CAP1: variants seen among roughly 807,000 people sequenced by gnomAD.
CAP1 encodes the protein adenylyl cyclase-associated protein 1.
In CAP1, 11 loss-of-function variants were observed where a neutral mutation model predicts 58.2. That is an observed-to-expected ratio of 0.19 (90% CI 0.12 to 0.31). The LOEUF (loss-of-function observed/expected upper bound fraction) is 0.31, where lower values mean the gene tolerates loss of function less well. Ranked by LOEUF, CAP1 falls within the 10% of genes least tolerant of loss-of-function variation. The pLI is 1.00. For synonymous variants in CAP1, 183 were observed against 213.8 expected (o/e 0.86, Z 1.26); for missense variants, 423 against 587.5 (o/e 0.72, Z 2.89).
At chr1:40,069,420 T>C (rs192855741) in intron 8 of CAP1, 22 of 280,328 alleles carry the variant, frequency 7.8e-5, no homozygotes, top group East Asian at 7.7e-4. Flanking sequence ...ACATTTGATA[T>C]GTCTTTCTAG....
intron 1 of CAP1, among the ~76,000 whole-genome samples, chr1:40,048,050 C>CTT (rs869236451): frequency 4.1e-5 from 6 of 144,910 alleles, no homozygotes; most frequent in South Asian, 2.2e-4. Flanking sequence ...TAGATGGCAT[C>CTT]TTTTTTTTTT....
rs1648060996 is a variant in CAP1, at chr1:40,071,664, C to G, written c.*131C>G. 1 of 623,170 alleles carries G rather than the reference C, an allele frequency of 1.6e-6. No individual in the cohort carries two copies. Among genetic ancestry groups the G allele is most frequent in the South Asian group, 2.0e-5 (1 of 49,686 alleles). The allele number at this position is 623,170 out of a possible 1,614,324, so 38.6% of individuals were successfully genotyped here. A position where few individuals can be genotyped will look rare whatever the true frequency, so the allele number is the denominator to read the frequency against. On this transcript the variant is annotated 3_prime_UTR_variant, in exon 13 of 13. Coordinates refer to ENST00000372805, the MANE Select transcript of CAP1 (RefSeq NM_006367.4). ...TTCTCTGCTCTGAGAAGCACAGCTA[C>G]CTGCCTTCACTGAAATATACCTCAG...
chr1:40,047,329 G>C (rs753313012), intron 1 of CAP1, among the ~76,000 whole-genome samples: 1 of 152,234 alleles, frequency 6.6e-6, no homozygotes. Flanking sequence ...ATATGCCTCA[G>C]CTACAGTGCT....
At chr1:40,050,512 C>T (rs1380837378) in intron 1 of CAP1, among the ~76,000 whole-genome samples, 26 of 125,458 alleles carry the variant, frequency 2.1e-4, no homozygotes, top group Non-Finnish European at 6.8e-5. Flanking sequence ...TACAAAAATT[C>T]GCCGGGCGTG....
chr1:40,061,417 T>C (rs1352557651), intron 3 of CAP1, among the ~76,000 whole-genome samples: 1 of 152,250 alleles, frequency 6.6e-6, no homozygotes, highest in Admixed American at 6.5e-5. Context: ...TTTATTTTGC[T>C]GATGTGAAAT....
At position 40,061,751 on chromosome 1, in the gene CAP1, C is replaced by T. The variant is rs766562094; in HGVS notation, c.233C>T (p.Thr78Ile). 6.2e-6 allele frequency: 10 copies of T among 1,613,864 alleles called. No individual in the cohort carries two copies. Among genetic ancestry groups the T allele is most frequent in the East Asian group, 4.5e-5 (2 of 44,892 alleles). ...TTCTGGCAGGCGGAGATGGTCCACA[C>T]AGGTTTGAAGTTGGAGCGAGCTCTG... ...DVQKHAEMVH[T>I]GLKLERALLV... The change falls in exon 4 of 13, where the codon ACA (threonine) becomes ATA (isoleucine). Residue 78 changes from threonine (T) to isoleucine (I), a missense_variant. Coordinates refer to ENST00000372805, the MANE Select transcript of CAP1 (RefSeq NM_006367.4).
chr1:40,070,094 T>G, intron 9 of CAP1, 65 bp from the exon 10 acceptor site: 1 of 1,605,418 alleles, frequency 6.2e-7, no homozygotes, highest in Non-Finnish European at 8.5e-7. Flanking sequence ...AAGTTTGGGA[T>G]AGCCTGGTTA....
At chr1:40,070,127 G>A (rs778804636) in intron 9 of CAP1, 32 bp from the exon 10 acceptor site, 1 of 1,613,110 alleles carries the variant, frequency 6.2e-7, no homozygotes, top group South Asian at 1.1e-5. Context: ...TGTGTGCTTT[G>A]TGATGAGAAT....
intron 8 of CAP1, 31 bp downstream of exon 8, chr1:40,067,748 TACAACAAGTTG>T: frequency 1.9e-6 from 3 of 1,540,454 alleles, no homozygotes; most frequent in Non-Finnish European, 2.7e-6. Context: ...GAACAGTAGG[TACAACAAGTTG>T]TGTGGGCCAG....
chr1:40,047,066 C>G (rs1010998610), intron 1 of CAP1, among the ~76,000 whole-genome samples: 1 of 152,246 alleles, frequency 6.6e-6, no homozygotes, highest in East Asian at 1.9e-4. Context: ...CCATCGCGCC[C>G]GGCCACATTT....
intron 1 of CAP1, among the ~76,000 whole-genome samples, chr1:40,051,545 C>G (rs1260128491): frequency 6.6e-6 from 1 of 152,096 alleles, no homozygotes; most frequent in Non-Finnish European, 1.5e-5. Flanking sequence ...AGAGCCAGAC[C>G]CTGTTTTTTG....
At chr1:40,054,099 A>G (rs960468226) in intron 1 of CAP1, among the ~76,000 whole-genome samples, 4 of 150,750 alleles carry the variant, frequency 2.7e-5, no homozygotes, top group African/African-American at 7.3e-5. Context: ...CATGGATTCG[A>G]TAGAGAAGAT....
At chr1:40,065,662 C>G (rs1482801304) in intron 6 of CAP1, among the ~76,000 whole-genome samples, 2 of 152,178 alleles carry the variant, frequency 1.3e-5, no homozygotes, top group African/African-American at 2.4e-5. Context: ...ACCGTAGGCA[C>G]AATGCTATTT....
At chr1:40,064,131 T>G in intron 4 of CAP1, 96 bp from the exon 5 acceptor site, 3 of 1,190,132 alleles carry the variant, frequency 2.5e-6, no homozygotes, top group Non-Finnish European at 3.7e-6. Context: ...GGGTGCTCAC[T>G]AGAGTCCATA....
In CAP1 at chr1:40,049,178, ATTT is replaced by A. The variant is rs72214452; in HGVS notation, c.-11+8401_-11+8403del. On this transcript the variant is annotated intron_variant, in intron 1 of 12. Coordinates refer to ENST00000372805, the MANE Select transcript of CAP1 (RefSeq NM_006367.4). Reference sequence around the variant, plus strand: ...TGGCAGGAATCACTAGCCATTTCTAATTTTTTTTTTTTTTTTTTTTTTTTTTGA... The same window carrying A: ...TGGCAGGAATCACTAGCCATTTCTAATTTTTTTTTTTTTTTTTTTTTTTGA... Among the ~76,000 whole-genome samples, 278 of 84,854 alleles carry A rather than the reference ATTT, an allele frequency of 3.3e-3. 1 individual carries two copies. The highest frequency in any genetic ancestry group is 0.025 in the Middle Eastern group (3 of 118). The allele number at this position is 84,854 out of a possible 152,430, so 55.7% of individuals were successfully genotyped here. A position where few individuals can be genotyped will look rare whatever the true frequency, so the allele number is the denominator to read the frequency against.
In CAP1 at chr1:40,070,200, A is replaced by G; in HGVS notation, c.1035A>G (p.Thr345=). 3 of 1,614,236 alleles carry G rather than the reference A, an allele frequency of 1.9e-6. No individual in the cohort carries two copies. The highest frequency in any genetic ancestry group is 2.5e-6 in the Non-Finnish European group (3 of 1,180,038). Residue 345 remains threonine (T), a synonymous_variant, in exon 10 of 13, where the codon ACA becomes ACG. Coordinates refer to ENST00000372805, the MANE Select transcript of CAP1 (RefSeq NM_006367.4). ...ENVSNLVIED[T]ELKQVAYIYK... is the part of the protein sequence containing the mutation. ...TTTCCAACCTGGTGATTGAGGACAC[A>G]GAGCTGAAACAGGTGGCTTACATAT...
chr1:40,061,017 G>C (rs1027333429), intron 3 of CAP1, among the ~76,000 whole-genome samples: 4 of 152,066 alleles, frequency 2.6e-5, no homozygotes, highest in African/African-American at 9.7e-5. Context: ...TGCTTTCTTT[G>C]AATTTTTGTA....
intron 1 of CAP1, among the ~76,000 whole-genome samples, chr1:40,043,122 A>G (rs1470074636): frequency 1.3e-5 from 2 of 152,180 alleles, no homozygotes; most frequent in African/African-American, 2.4e-5. Flanking sequence ...TTGTTCAGTG[A>G]TACTGGGGCC....
In CAP1 at chr1:40,065,608, T is replaced by G. The variant is rs112909076; in HGVS notation, c.525-607T>G. On this transcript the variant is annotated intron_variant, in intron 6 of 12. Coordinates refer to ENST00000372805, the MANE Select transcript of CAP1 (RefSeq NM_006367.4). Reference sequence around the variant, plus strand: ...CAGTTGAGGAAACTAGGTCTTAGGCTAAATAACCTTCCCAGTTAATACATA... The same window carrying G: ...CAGTTGAGGAAACTAGGTCTTAGGCGAAATAACCTTCCCAGTTAATACATA... Among the ~76,000 whole-genome samples the G allele has an allele frequency of 7.1e-3, 1,079 of 152,354 alleles. 10 individuals carry two copies. The highest frequency in any genetic ancestry group is 0.025 in the African/African-American group (1,041 of 41,580).
Sources: gnomAD v4.1 joint callset for allele counts (sites outside exome capture counted in the v4.1 genomes callset) on GRCh38, gnomAD v4.1.1 for gene constraint, MANE v1.5 for transcripts, NCBI Gene and HGNC (gene_info 2026-07-23, HGNC 2026-07-21) for gene names.